Variants in MYLK observed in about 807,000 individuals in gnomAD.
MYLK encodes myosin light chain kinase, smooth muscle.
Under a neutral mutation model 203.4 loss-of-function variants are expected in MYLK, and 106 were observed. The observed-to-expected ratio is 0.52, with a 90% confidence interval of 0.45 to 0.61. The LOEUF (loss-of-function observed/expected upper bound fraction) is 0.61, where lower values mean the gene tolerates loss of function less well. Ranked by LOEUF, MYLK falls within the 20% of genes least tolerant of loss-of-function variation. The pLI is 0.00. For missense variants in MYLK, 2,072 were observed against 2,442.3 expected, an observed-to-expected ratio of 0.85 and a Z score of 3.20; for synonymous variants, 867 against 959.5, an observed-to-expected ratio of 0.90 and a Z score of 1.78.
chr3:123,871,122 C>G (rs2032756985), intron 2 of MYLK, among the ~76,000 whole-genome samples: 1 of 152,156 alleles, frequency 6.6e-6, no homozygotes, highest in South Asian at 2.1e-4. Flanking sequence ...AAGGCTTTTA[C>G]TAAAGCTCTC....
chr3:123,807,607 C>A (rs1331665933), intron 3 of MYLK, among the ~76,000 whole-genome samples: 1 of 152,160 alleles, frequency 6.6e-6, no homozygotes, highest in Non-Finnish European at 1.5e-5. Flanking sequence ...CTTACATTTG[C>A]CCTAAACAAA....
chr3:123,719,968 G>A (rs568928554), intron 13 of MYLK, among the ~76,000 whole-genome samples: 6 of 152,326 alleles, frequency 3.9e-5, no homozygotes, highest in African/African-American at 1.4e-4. Context: ...AGGGGGTGTC[G>A]CTGTGCCAGG....
intron 2 of MYLK, among the ~76,000 whole-genome samples, chr3:123,850,929 T>C (rs1560289683): frequency 6.6e-6 from 1 of 152,224 alleles, no homozygotes; most frequent in Non-Finnish European, 1.5e-5. Context: ...GTATAAGGTG[T>C]AAGGAGGGGA....
At position 123,666,522 on chromosome 3, in the gene MYLK, G is replaced by A. The variant is rs9827320; in HGVS notation, c.3704-176C>T. ...GACATCCAAGTTCATGGACCTGCTA[G>A]GTTTGTTCACCTCTTCTTTCTGATT... On this transcript the variant is annotated intron_variant, in intron 21 of 33. Transcript: ENST00000360304. 6.8e-3 allele frequency among the ~76,000 whole-genome samples: 1,036 copies of A among 152,304 alleles called. 14 individuals are homozygous for A. Among genetic ancestry groups the A allele is most frequent in the African/African-American group, 0.024 (1,014 of 41,568 alleles).
At chr3:123,661,186 C>T (rs775213741) in intron 23 of MYLK, among the ~76,000 whole-genome samples, 7 of 151,948 alleles carry the variant, frequency 4.6e-5, no homozygotes, top group Non-Finnish European at 5.9e-5. Flanking sequence ...TAGTGGTGAT[C>T]GGAGGAGGGG....
chr3:123,733,269 G>A (rs1003508110), intron 10 of MYLK, among the ~76,000 whole-genome samples, 167 bp from the exon 11 acceptor site: 7 of 152,108 alleles, frequency 4.6e-5, no homozygotes, highest in African/African-American at 7.2e-5. Context: ...TCCACAAGAC[G>A]AAACCTCTTG....
At chr3:123,710,247 C>T (rs2061638543) in intron 13 of MYLK, among the ~76,000 whole-genome samples, 1 of 139,416 alleles carries the variant, frequency 7.2e-6, no homozygotes, top group Non-Finnish European at 1.6e-5. Context: ...CCCACCCCAT[C>T]CCCCAGCCAC....
At chr3:123,621,440 G>A (rs969278796) in intron 31 of MYLK, 9 of 152,258 alleles carry the variant, frequency 5.9e-5, no homozygotes, top group Middle Eastern at 3.4e-3. Context: ...GCTTGTACTC[G>A]TTGCATCTCA....
Position 123,831,568 on chromosome 3 carries a change from G to A in MYLK, c.-24C>T, listed in dbSNP as rs553555866. ...CTCACCACCGTCTTCTCTGTTGTTTGTTGTGGCAACTGGGCCAGTGGGACA... is the reference window on the plus strand; with the variant it reads ...CTCACCACCGTCTTCTCTGTTGTTTATTGTGGCAACTGGGCCAGTGGGACA... On this transcript the variant is annotated 5_prime_UTR_variant, in exon 3 of 34. Transcript: ENST00000360304. 213 of 472,010 alleles carry A rather than the reference G, an allele frequency of 4.5e-4. 4 individuals carry two copies. The highest frequency in any genetic ancestry group is 7.8e-4 in the Middle Eastern group (1 of 1,278). The allele number at this position is 472,010 out of a possible 1,614,324, so 29.2% of individuals were successfully genotyped here. A position where few individuals can be genotyped will look rare whatever the true frequency, so the allele number is the denominator to read the frequency against.
intron 4 of MYLK, among the ~76,000 whole-genome samples, chr3:123,793,427 T>C (rs1012499203): frequency 4.6e-5 from 7 of 152,164 alleles, no homozygotes; most frequent in Non-Finnish European, 7.3e-5. Flanking sequence ...GAACACAACC[T>C]ACATTAACAG....
In MYLK at chr3:123,734,179, T is replaced by C. The variant is rs2062595452; in HGVS notation, c.817A>G (p.Lys273Glu). The change falls in exon 10 of 34, where the codon AAA (lysine) becomes GAA (glutamate). Residue 273 changes from lysine to glutamate, a missense_variant. This residue lies in a region of MYLK where 683 missense variants were observed against 643.8 expected (regional missense o/e 1.06). Transcript: ENST00000360304. ...ETKATNSDVR[K>E]EVTNVISKES... ...TTTGAGATTACATTGGTCACCTCTTTCCTGACATCTGAATTGGTGGCTTTT... is the reference window on the plus strand; with the variant it reads ...TTTGAGATTACATTGGTCACCTCTTCCCTGACATCTGAATTGGTGGCTTTT... 1.4e-6 allele frequency: 2 copies of C among 1,392,988 alleles called. No homozygotes were observed. Among genetic ancestry groups the C allele is most frequent in the African/African-American group, 1.5e-5 (1 of 67,662 alleles). The allele number at this position is 1,392,988 out of a possible 1,614,324, so 86.3% of individuals were successfully genotyped here. A position where few individuals can be genotyped will look rare whatever the true frequency, so the allele number is the denominator to read the frequency against.
chr3:123,727,051 G>A (rs1335109344), intron 11 of MYLK, among the ~76,000 whole-genome samples: 1 of 152,224 alleles, frequency 6.6e-6, no homozygotes, highest in Non-Finnish European at 1.5e-5. Context: ...TTTTCCAGAT[G>A]TGATTACGAC....
chr3:123,657,566 C>G lies in MYLK; in HGVS notation c.3986-138G>C, dbSNP rs370783688. 124 of 774,096 alleles carry G rather than the reference C, an allele frequency of 1.6e-4. 1 individual carries two copies. Among genetic ancestry groups the G allele is most frequent in the Non-Finnish European group, 3.6e-5 (17 of 470,148 alleles). The allele number at this position is 774,096 out of a possible 1,614,324, so 48.0% of individuals were successfully genotyped here. On this transcript the variant is annotated intron_variant, in intron 23 of 33. Coordinates refer to ENST00000360304, the MANE Select transcript of MYLK (RefSeq NM_053025.4). ...TCCCTGGTCCTGCGTCTCTTTCCCT[C>G]ATCCGCACATCACAGTTAGAGCTAT...
Position 123,734,360 on chromosome 3 carries a change from G to C in MYLK, c.774-138C>G, listed in dbSNP as rs1329136447. 3.5e-6 allele frequency: 3 copies of C among 852,806 alleles called. No individual in the cohort carries two copies. In the Admixed American group the frequency reaches 1.0e-4, roughly 28 times the overall value. The allele number at this position is 852,806 out of a possible 1,614,324, so 52.8% of individuals were successfully genotyped here. On this transcript the variant is annotated intron_variant, in intron 9 of 33. Transcript: ENST00000360304. Reference sequence around the variant, plus strand: ...AAGCCCACAAGTTAAGGGCAAGTAAGAGCATCTTTCTCTGCAGTTTGCCCA... The same window carrying C: ...AAGCCCACAAGTTAAGGGCAAGTAACAGCATCTTTCTCTGCAGTTTGCCCA...
chr3:123,717,438 C>T (rs33256), intron 13 of MYLK, among the ~76,000 whole-genome samples: 149,676 of 152,344 alleles, frequency 0.98, 73,577 homozygotes, highest in Middle Eastern at 1. Flanking sequence ...TCTTTTTAAC[C>T]TACCCACATT....
chr3:123,844,372 C>T (rs948026699), intron 2 of MYLK, among the ~76,000 whole-genome samples: 1 of 152,232 alleles, frequency 6.6e-6, no homozygotes, highest in African/African-American at 2.4e-5. Flanking sequence ...CTGTCCTAGG[C>T]TAGCTGCTCT....
chr3:123,818,982 C>T (rs1347820870), intron 3 of MYLK, among the ~76,000 whole-genome samples: 1 of 152,196 alleles, frequency 6.6e-6, no homozygotes, highest in African/African-American at 2.4e-5. Context: ...TCACCAGCTT[C>T]CTTACCGATA....
chr3:123,702,449 G>C (rs1162999918), intron 16 of MYLK, among the ~76,000 whole-genome samples: 1 of 152,180 alleles, frequency 6.6e-6, no homozygotes, highest in East Asian at 1.9e-4. Flanking sequence ...GAGAGGTATA[G>C]AGTACTGCCA....
At chr3:123,821,267 T>C (rs1560261064) in intron 3 of MYLK, among the ~76,000 whole-genome samples, 1 of 152,234 alleles carries the variant, frequency 6.6e-6, no homozygotes. Flanking sequence ...TAAAGATCTC[T>C]TATAATATAT....
Sources: gnomAD v4.1 joint callset for allele counts (sites outside exome capture counted in the v4.1 genomes callset) on GRCh38, gnomAD v4.1.1 for gene constraint, gnomAD v4.1.1 regional missense constraint, MANE v1.5 for transcripts, NCBI Gene and HGNC (gene_info 2026-07-23, HGNC 2026-07-21) for gene names.